The following ZNF761 variants were observed in gnomAD, a reference collection of about 807,000 sequenced individuals.
ZNF761 encodes the protein zinc finger protein 761.
Under a neutral mutation model 59.9 loss-of-function variants are expected in ZNF761, and 43 were observed. The observed-to-expected ratio is 0.72, with a 90% CI of 0.56 to 0.92. The LOEUF is 0.92. Ranked by LOEUF, ZNF761 falls within the 40% of genes least tolerant of loss-of-function variation. ZNF761 has a pLI of 0.00. For synonymous variants in ZNF761, 294 were observed against 304.8 expected (o/e 0.96, Z 0.37); for missense variants, 850 against 906.1 (o/e 0.94, Z 0.79).
At chr19:53,441,774 C>T (rs1357016727) in intron 1 of ZNF761, 2 of 927,840 alleles carry the variant, frequency 2.2e-6, no homozygotes, top group Admixed American at 4.0e-5. Context: ...TTCAAAATTT[C>T]TTTTTTAATT....
intron 1 of ZNF761, among the ~76,000 whole-genome samples, chr19:53,439,994 GTTC>G (rs1405689664): frequency 6.6e-6 from 1 of 152,008 alleles, no homozygotes; most frequent in East Asian, 1.9e-4. Flanking sequence ...AATGATTTTT[GTTC>G]TTCTTGCATA....
At position 53,455,508 on chromosome 19, in the gene ZNF761, C is replaced by T. The variant is rs760222892; in HGVS notation, c.1001C>T (p.Thr334Ile). 6.2e-7 allele frequency: 1 copy of T among 1,612,774 alleles called. No individual in the cohort carries two copies. The highest frequency in any genetic ancestry group is 8.5e-7 in the Non-Finnish European group (1 of 1,179,520). The stretch of plus-strand genomic sequence containing the variant: ...TATAAGTGTAATGAGTGTGGCAAGA[C>T]CTTTAGGCAGAAGTCAATCCTTACA... The part of the protein sequence containing the change: ...KPYKCNECGK[T>I]FRQKSILTRH... The change falls in exon 5 of 5, where the codon ACC becomes ATC. Residue 334 changes from threonine to isoleucine, a missense_variant. By Grantham distance (89) the Thr-to-Ile change is moderately conservative. Coordinates refer to ENST00000684525, the MANE Select transcript of ZNF761 (RefSeq NM_001289951.2).
At chr19:53,436,069 C>G (rs1031714284) in intron 1 of ZNF761, among the ~76,000 whole-genome samples, 5 of 152,166 alleles carry the variant, frequency 3.3e-5, no homozygotes, top group Non-Finnish European at 5.9e-5. Flanking sequence ...GCAGCTTGGT[C>G]TCATCTCAGG....
At chr19:53,445,293 G>T (rs764393809) in intron 1 of ZNF761, 1 of 152,158 alleles carries the variant, frequency 6.6e-6, no homozygotes. Flanking sequence ...AAAATTAAAT[G>T]TCAGGAATCA....
intron 4 of ZNF761, among the ~76,000 whole-genome samples, chr19:53,452,264 C>T (rs1318400992): frequency 6.6e-6 from 1 of 152,130 alleles, no homozygotes; most frequent in African/African-American, 2.4e-5. Context: ...GGGCAGATCA[C>T]CTGATTTCAG....
intron 1 of ZNF761, among the ~76,000 whole-genome samples, chr19:53,436,857 G>A (rs1357577659): frequency 1.3e-5 from 2 of 152,152 alleles, no homozygotes; most frequent in Admixed American, 1.3e-4. Flanking sequence ...ATAGCCTCTG[G>A]CACGGGGCAG....
chr19:53,452,318 A>G (rs2086228805), intron 4 of ZNF761, among the ~76,000 whole-genome samples: 1 of 152,154 alleles, frequency 6.6e-6, no homozygotes, highest in African/African-American at 2.4e-5. Context: ...CCCTGTCTCT[A>G]CCAAAAATAC....
At position 53,455,256 on chromosome 19, in the gene ZNF761, T is replaced by G; in HGVS notation, c.749T>G (p.Leu250Arg). ...DKYKCDVCGK[L>R]FNQKRNLACH... The stretch of plus-strand genomic sequence containing the variant: ...TATAAATGTGATGTATGTGGCAAGC[T>G]CTTTAATCAGAAGCGAAACCTAGCA... The change falls in exon 5 of 5, where the codon CTC (leucine) becomes CGC (arginine). Residue 250 changes from leucine to arginine, a missense_variant. Transcript: ENST00000684525. The G allele has an allele frequency of 6.2e-7, 1 of 1,614,220 alleles. No individual in the cohort carries two copies. The highest frequency in any genetic ancestry group is 8.5e-7 in the Non-Finnish European group (1 of 1,180,034).
intron 1 of ZNF761, among the ~76,000 whole-genome samples, chr19:53,445,863 A>T (rs2086153303): frequency 6.6e-6 from 1 of 152,140 alleles, no homozygotes; most frequent in South Asian, 2.1e-4. Context: ...TCCCCAGAAC[A>T]AAAGCCCAAC....
chr19:53,448,084 C>T (rs978360920), intron 3 of ZNF761, among the ~76,000 whole-genome samples: 6 of 152,190 alleles, frequency 3.9e-5, no homozygotes, highest in African/African-American at 1.4e-4. Context: ...TCACGGGAAC[C>T]TCCACCTTCC....
intron 2 of ZNF761, among the ~76,000 whole-genome samples, chr19:53,446,724 G>T (rs2086164126): frequency 6.6e-6 from 1 of 152,054 alleles, no homozygotes; most frequent in South Asian, 2.1e-4. Context: ...GGCCAGGCTG[G>T]TCTCAAACTC....
intron 3 of ZNF761, 97 bp downstream of exon 3, chr19:53,447,380 C>T (rs2086172065): frequency 7.8e-6 from 12 of 1,530,448 alleles, no homozygotes; most frequent in Non-Finnish European, 1.1e-5. Context: ...AGCATCCTGC[C>T]TGACAGGTTT....
chr19:53,447,358 C>T, intron 3 of ZNF761, 75 bp downstream of exon 3: 2 of 1,585,736 alleles, frequency 1.3e-6, no homozygotes, highest in Non-Finnish European at 1.7e-6. Context: ...TGGGAATCTT[C>T]TCTGAGTCTG....
intron 1 of ZNF761, chr19:53,444,853 T>G (rs2086138644): frequency 6.6e-6 from 1 of 150,502 alleles, no homozygotes; most frequent in African/African-American, 2.4e-5. Flanking sequence ...CACAAGGGGT[T>G]TTAGGCCCTG....
chr19:53,456,677 G>C lies in ZNF761; in HGVS notation c.2170G>C (p.Gly724Arg), dbSNP rs1236061786. The change falls in exon 5 of 5, where the codon GGC (glycine) becomes CGC (arginine). Residue 724 changes from glycine to arginine, a missense_variant. Physicochemically the swap from Gly to Arg is moderately radical, Grantham distance 125 (BLOSUM62 -2). Coordinates refer to ENST00000684525, the MANE Select transcript of ZNF761 (RefSeq NM_001289951.2). ...GEKPYKCNEC[G>R]KTFSQKSNLT... ...GAAACCTTACAAGTGTAATGAGTGTGGCAAGACCTTTAGTCAGAAGTCAAA... is the reference window on the plus strand; with the variant it reads ...GAAACCTTACAAGTGTAATGAGTGTCGCAAGACCTTTAGTCAGAAGTCAAA... The C allele has an allele frequency of 1.4e-5, 23 of 1,613,780 alleles. No homozygotes were observed. Among genetic ancestry groups the C allele is most frequent in the Non-Finnish European group, 1.9e-5 (23 of 1,179,922 alleles).
At chr19:53,447,078 A>C (rs1429286953) in intron 2 of ZNF761, 118 bp from the exon 3 acceptor site, 1 of 572,134 alleles carries the variant, frequency 1.7e-6, no homozygotes, top group African/African-American at 1.9e-5. Context: ...TCCCTGGTGC[A>C]GTGGGCAGCA....
intron 3 of ZNF761, 54 bp downstream of exon 3, chr19:53,447,337 G>GC: frequency 6.2e-7 from 1 of 1,603,936 alleles, no homozygotes; most frequent in South Asian, 1.1e-5. Flanking sequence ...AGAAATGCTG[G>GC]GCCTTGGAGT....
intron 1 of ZNF761, chr19:53,441,656 A>G (rs2086101952): frequency 4.6e-6 from 2 of 433,982 alleles, no homozygotes; most frequent in Non-Finnish European, 8.6e-6. Flanking sequence ...CATGTTGGCC[A>G]GGCTGGCCTT....
chr19:53,449,782 T>G (rs7248500), intron 4 of ZNF761, 144 bp downstream of exon 4: 508,932 of 1,434,128 alleles, frequency 0.35, 95,815 homozygotes, highest in African/African-American at 0.49. Context: ...TTGAATTCCT[T>G]GGCTCAAGTG....
Sources: gnomAD v4.1 joint callset for allele counts (sites outside exome capture counted in the v4.1 genomes callset) on GRCh38, gnomAD v4.1.1 for gene constraint, MANE v1.5 for transcripts, NCBI Gene and HGNC (gene_info 2026-07-23, HGNC 2026-07-21) for gene names.